CENPP: variants seen among roughly 807,000 people sequenced by gnomAD.
CENPP encodes centromere protein P.
A neutral mutation model predicts 35.6 loss-of-function variants in CENPP; 24 were observed. The ratio of observed to expected loss-of-function variants is 0.67; its 90% CI spans 0.49 to 0.95. CENPP has a LOEUF of 0.95. Among genes scored for constraint, CENPP ranks in the 40% least tolerant of loss-of-function variants. The probability of loss-of-function intolerance (pLI) is 0.00; values close to 1 mark genes in which losing one functional copy is unlikely to be tolerated. For missense variants in CENPP, 332 were observed against 345.3 expected, an observed-to-expected ratio of 0.96 and a Z score of 0.31; for synonymous variants, 120 against 125.5, an observed-to-expected ratio of 0.96 and a Z score of 0.29.
At chr9:92,454,883 A>G (rs914531156) in intron 5 of CENPP, among the ~76,000 whole-genome samples, 2 of 152,142 alleles carry the variant, frequency 1.3e-5, no homozygotes, top group Non-Finnish European at 2.9e-5. Flanking sequence ...TTAAAATCAT[A>G]CTATCATCAT....
chr9:92,439,416 C>T (rs1196649920), intron 5 of CENPP, among the ~76,000 whole-genome samples: 1 of 151,944 alleles, frequency 6.6e-6, no homozygotes, highest in East Asian at 1.9e-4. Context: ...AAGTGATAAG[C>T]TATTCTGTGT....
At chr9:92,397,809 G>A (rs535704997) in intron 5 of CENPP, among the ~76,000 whole-genome samples, 110 of 152,066 alleles carry the variant, frequency 7.2e-4, no homozygotes, top group African/African-American at 1.0e-3. Flanking sequence ...CAACATATAC[G>A]GATATAAACA....
chr9:92,541,371 G>T (rs1849313722), intron 5 of CENPP, among the ~76,000 whole-genome samples: 1 of 151,176 alleles, frequency 6.6e-6, no homozygotes, highest in South Asian at 2.1e-4. Context: ...CTAGCCTCTG[G>T]TAACCACTAT....
intron 5 of CENPP, among the ~76,000 whole-genome samples, chr9:92,567,009 C>T (rs1276183431): frequency 2.6e-5 from 4 of 152,212 alleles, no homozygotes; most frequent in African/African-American, 9.6e-5. Context: ...CTGACATTTT[C>T]AAAGTGCTAA....
rs112989821 is a variant in CENPP, at chr9:92,421,206, A to AT, written c.564+41353dup. ...AGATGCGTGCCACCACACCTGGCTA[A>AT]TTTTTTAATTTTTTGTAAAGACAGG... On this transcript the variant is annotated intron_variant, in intron 5 of 7. Coordinates refer to ENST00000375587, the MANE Select transcript of CENPP (RefSeq NM_001012267.3). 4.8e-3 allele frequency among the ~76,000 whole-genome samples: 728 copies of AT among 152,066 alleles called. 4 individuals carry two copies. Among genetic ancestry groups the AT allele is most frequent in the African/African-American group, 0.015 (633 of 41,456 alleles).
intron 3 of CENPP, among the ~76,000 whole-genome samples, chr9:92,345,008 T>G (rs547015830): frequency 6.6e-6 from 1 of 151,020 alleles, no homozygotes; most frequent in Admixed American, 6.6e-5. Context: ...TCCCAGCACT[T>G]TGGGAGGCTG....
intron 5 of CENPP, among the ~76,000 whole-genome samples, chr9:92,581,838 G>A (rs1213891709): frequency 6.6e-6 from 1 of 152,144 alleles, no homozygotes; most frequent in Non-Finnish European, 1.5e-5. Flanking sequence ...TTTTAAGCTA[G>A]CATTCAAAAA....
At chr9:92,491,475 T>C (rs1846170376) in intron 5 of CENPP, among the ~76,000 whole-genome samples, 1 of 152,152 alleles carries the variant, frequency 6.6e-6, no homozygotes, top group Admixed American at 6.5e-5. Context: ...CCATCAGAGA[T>C]TGGCTCAACT....
intron 5 of CENPP, 180 bp from the exon 6 acceptor site, chr9:92,611,134 C>T (rs1851227736): frequency 1.6e-6 from 1 of 631,882 alleles, no homozygotes; most frequent in Non-Finnish European, 2.8e-6. Flanking sequence ...GTGGAGAGAC[C>T]TACAGTGGGG....
At position 92,600,243 on chromosome 9, in the gene CENPP, C is replaced by T. The variant is rs372382050; in HGVS notation, c.565-11071C>T. 8.7e-6 allele frequency: 12 copies of T among 1,373,904 alleles called. No individual in the cohort carries two copies. In the African/African-American group the frequency reaches 1.5e-4, roughly 17 times the overall value. 85.1% of individuals were successfully genotyped at this position (1,373,904 alleles called of 1,614,324 possible). On this transcript the variant is annotated intron_variant, in intron 5 of 7. Transcript: ENST00000375587. The stretch of plus-strand genomic sequence containing the variant: ...AAGAACAGAAGGGCGTGGGATCTGG[C>T]TTCTGGCCTGTCATTTGCTGTCTCC...
intron 4 of CENPP, among the ~76,000 whole-genome samples, chr9:92,361,524 G>A (rs1461198971): frequency 6.7e-6 from 1 of 149,880 alleles, no homozygotes; most frequent in Non-Finnish European, 1.5e-5. Context: ...CTGTCACCCA[G>A]GCTGGAGTGC....
chr9:92,580,286 G>A (rs1230917053), intron 5 of CENPP, among the ~76,000 whole-genome samples: 2 of 152,100 alleles, frequency 1.3e-5, no homozygotes, highest in South Asian at 2.1e-4. Flanking sequence ...GTCTCTGCCC[G>A]GCTTTGGTAT....
At chr9:92,539,544 G>A (rs1849268963) in intron 5 of CENPP, among the ~76,000 whole-genome samples, 2 of 152,026 alleles carry the variant, frequency 1.3e-5, no homozygotes, top group Admixed American at 6.6e-5. Context: ...CAGAAATTAA[G>A]TATAGCCTAC....
At chr9:92,406,275 T>C (rs1261740911) in intron 5 of CENPP, among the ~76,000 whole-genome samples, 1 of 152,078 alleles carries the variant, frequency 6.6e-6, no homozygotes, top group African/African-American at 2.4e-5. Flanking sequence ...GGATGGACCA[T>C]ATTAAGAGAT....
intron 1 of CENPP, among the ~76,000 whole-genome samples, chr9:92,327,097 C>T (rs1025461611): frequency 1.3e-5 from 2 of 152,168 alleles, no homozygotes; most frequent in Admixed American, 6.5e-5. Flanking sequence ...CATTACCTGG[C>T]GGTTTGTTAG....
At chr9:92,413,006 T>C (rs1259132762) in intron 5 of CENPP, among the ~76,000 whole-genome samples, 1 of 126,250 alleles carries the variant, frequency 7.9e-6, no homozygotes, top group Admixed American at 8.2e-5. Flanking sequence ...TTTTTTGATA[T>C]GGACTTTTGC....
intron 2 of CENPP, among the ~76,000 whole-genome samples, chr9:92,336,234 T>C (rs1207467615): frequency 6.6e-6 from 1 of 152,232 alleles, no homozygotes; most frequent in South Asian, 2.1e-4. Context: ...GAAAGTGATG[T>C]TTTGTTCTTA....
At chr9:92,588,243 T>C (rs567604727) in intron 5 of CENPP, among the ~76,000 whole-genome samples, 3 of 151,716 alleles carry the variant, frequency 2.0e-5, no homozygotes, top group African/African-American at 7.2e-5. Flanking sequence ...TTTTGTTTGT[T>C]TGTTTGTTTG....
chr9:92,577,408 G>C (rs755684054), intron 5 of CENPP, among the ~76,000 whole-genome samples: 5 of 152,042 alleles, frequency 3.3e-5, no homozygotes, highest in Non-Finnish European at 7.3e-5. Flanking sequence ...CTCACTACTC[G>C]GGAGGCTGTG....
Sources: gnomAD v4.1 joint callset for allele counts (sites outside exome capture counted in the v4.1 genomes callset) on GRCh38, gnomAD v4.1.1 for gene constraint, MANE v1.5 for transcripts, NCBI Gene and HGNC (gene_info 2026-07-23, HGNC 2026-07-21) for gene names.